Variants in CDH12 observed in about 807,000 individuals in gnomAD.
The protein encoded by CDH12 is cadherin 12, also known as cadherin-12.
In CDH12, 41 loss-of-function variants were observed where a neutral mutation model predicts 74.1. That is an observed-to-expected ratio of 0.55 (90% CI 0.43 to 0.72). The LOEUF (loss-of-function observed/expected upper bound fraction) is 0.72, where lower values mean the gene tolerates loss of function less well. Ranked by LOEUF, CDH12 falls within the 30% of genes least tolerant of loss-of-function variation. The pLI is 0.00. For synonymous variants in CDH12, 399 were observed against 355.0 expected, an observed-to-expected ratio of 1.12 and a Z score of -1.39; for missense variants, 945 against 977.2, an observed-to-expected ratio of 0.97 and a Z score of 0.44.
At chr5:22,140,312 A>G (rs1746713075) in intron 4 of CDH12, among the ~76,000 whole-genome samples, 1 of 152,058 alleles carries the variant, frequency 6.6e-6, no homozygotes, top group South Asian at 2.1e-4. Context: ...TATTGGCTAA[A>G]TTTGAAATGT....
chr5:21,792,547 A>G (rs1440155102), intron 10 of CDH12, among the ~76,000 whole-genome samples: 3 of 150,794 alleles, frequency 2.0e-5, no homozygotes, highest in Admixed American at 2.0e-4. Context: ...TGTTGAAATT[A>G]TAATTGTTGT....
At chr5:22,472,020 G>A (rs1745979040) in intron 2 of CDH12, among the ~76,000 whole-genome samples, 1 of 152,110 alleles carries the variant, frequency 6.6e-6, no homozygotes, top group Non-Finnish European at 1.5e-5. Flanking sequence ...ACTGAGAGGA[G>A]ACACCCAGGG....
chr5:21,774,819 T>C (rs1313958677), intron 11 of CDH12, among the ~76,000 whole-genome samples: 1 of 152,150 alleles, frequency 6.6e-6, no homozygotes, highest in Non-Finnish European at 1.5e-5. Context: ...TTGAAACCAA[T>C]GGTTATGTTT....
chr5:22,258,480 T>C (rs964009956), intron 3 of CDH12, among the ~76,000 whole-genome samples: 1 of 151,990 alleles, frequency 6.6e-6, no homozygotes, highest in Non-Finnish European at 1.5e-5. Context: ...GATAACAGCA[T>C]ATCTATAGTA....
intron 7 of CDH12, among the ~76,000 whole-genome samples, chr5:21,847,244 G>C (rs186722369): frequency 5.3e-4 from 80 of 152,148 alleles, no homozygotes; most frequent in Non-Finnish European, 9.9e-4. Context: ...TTCTTTCCAA[G>C]GGATGCTTAT....
At chr5:21,849,126 A>G (rs1348302743) in intron 7 of CDH12, among the ~76,000 whole-genome samples, 1 of 151,878 alleles carries the variant, frequency 6.6e-6, no homozygotes, top group Non-Finnish European at 1.5e-5. Flanking sequence ...ATATGTATAT[A>G]TATGAAACCA....
intron 6 of CDH12, among the ~76,000 whole-genome samples, chr5:21,973,951 C>T (rs1561340001): frequency 6.6e-6 from 1 of 151,924 alleles, no homozygotes; most frequent in African/African-American, 2.4e-5. Flanking sequence ...TGGGTATCCA[C>T]ATTAAAATTT....
intron 1 of CDH12, among the ~76,000 whole-genome samples, chr5:22,738,227 A>C (rs764823204): frequency 2.0e-5 from 3 of 152,092 alleles, no homozygotes; most frequent in Non-Finnish European, 4.4e-5. Context: ...CAGACGTTAC[A>C]TTATAAAAAT....
chr5:21,775,871 C>T (rs1000180856), intron 11 of CDH12, among the ~76,000 whole-genome samples: 1 of 151,860 alleles, frequency 6.6e-6, no homozygotes, highest in Admixed American at 6.6e-5. Flanking sequence ...AATTTTTTCT[C>T]TTTTTTCAAT....
intron 1 of CDH12, among the ~76,000 whole-genome samples, chr5:22,684,416 C>G (rs753985565): frequency 1.3e-5 from 2 of 152,124 alleles, no homozygotes; most frequent in Non-Finnish European, 2.9e-5. Context: ...CAGCTTCTGA[C>G]TAATACTGTA....
chr5:22,152,806 A>G (rs1747686491), intron 4 of CDH12, among the ~76,000 whole-genome samples: 1 of 152,062 alleles, frequency 6.6e-6, no homozygotes, highest in African/African-American at 2.4e-5. Flanking sequence ...CTTGGAAACC[A>G]CTGTTCTCCT....
At chr5:22,549,667 T>A (rs936856997) in intron 1 of CDH12, among the ~76,000 whole-genome samples, 1 of 152,154 alleles carries the variant, frequency 6.6e-6, no homozygotes, top group African/African-American at 2.4e-5. Flanking sequence ...AAATTTCTAA[T>A]ATAGAGAAAT....
chr5:22,412,703 C>T (rs1743213467), intron 2 of CDH12, among the ~76,000 whole-genome samples: 1 of 151,776 alleles, frequency 6.6e-6, no homozygotes, highest in African/African-American at 2.4e-5. Context: ...GTGAGACGGC[C>T]ATGGGCACAC....
At chr5:22,818,305 C>T (rs189807386) in intron 1 of CDH12, among the ~76,000 whole-genome samples, 2 of 152,218 alleles carry the variant, frequency 1.3e-5, no homozygotes, top group Non-Finnish European at 2.9e-5. Context: ...TCAGATTTTG[C>T]TCTATCATGC....
At chr5:22,615,766 G>A (rs957653337) in intron 1 of CDH12, among the ~76,000 whole-genome samples, 2 of 152,018 alleles carry the variant, frequency 1.3e-5, no homozygotes, top group Admixed American at 6.6e-5. Context: ...ATTAATCAAA[G>A]AGTCTCATGC....
chr5:22,148,096 C>A (rs921529863), intron 4 of CDH12, among the ~76,000 whole-genome samples: 2 of 152,112 alleles, frequency 1.3e-5, no homozygotes, highest in African/African-American at 4.8e-5. Context: ...TCCTGTACAG[C>A]GCCCCTTTTC....
chr5:22,841,806 T>C (rs1384089179), intron 1 of CDH12, among the ~76,000 whole-genome samples: 1 of 152,150 alleles, frequency 6.6e-6, no homozygotes, highest in Non-Finnish European at 1.5e-5. Context: ...CAAAGAGTAG[T>C]CTACACTTAT....
intron 3 of CDH12, among the ~76,000 whole-genome samples, chr5:22,319,616 A>C (rs2150435910): frequency 6.6e-6 from 1 of 152,346 alleles, no homozygotes; most frequent in South Asian, 2.1e-4. Context: ...GGAAATCAAT[A>C]GAAACATTAT....
rs1429880658 is a variant in CDH12 at position 22,033,697 on chromosome 5, G to A, written c.231+44749C>T. Among the ~76,000 whole-genome samples the A allele has an allele frequency of 3.3e-5, 5 of 152,108 alleles. No individual in the cohort carries two copies. The East Asian group carries it at 9.6e-4, about 29-fold the overall frequency. On this transcript the variant is annotated intron_variant, in intron 5 of 14. Coordinates refer to ENST00000382254, the MANE Select transcript of CDH12 (RefSeq NM_004061.5). ...AGTAATGTGGATGGATATTGAGTGA[G>A]AAGAAGAAAACAGGCAGGAAAACAC...
Sources: allele counts gnomAD v4.1 joint callset (sites outside exome capture counted in the v4.1 genomes callset), GRCh38; gene constraint gnomAD v4.1.1; transcripts MANE v1.5; gene names NCBI Gene and HGNC (gene_info 2026-07-23, HGNC 2026-07-21).